The following STX8 variants were observed in gnomAD, a reference collection of about 807,000 sequenced individuals.
STX8 encodes the protein syntaxin 8, also known as syntaxin-8.
STX8 carries 23 observed loss-of-function variants against 37.5 expected under a neutral mutation model. The ratio of observed to expected loss-of-function variants is 0.61; its 90% CI spans 0.44 to 0.87. The LOEUF is 0.87. Ranked by LOEUF, STX8 falls within the 40% of genes least tolerant of loss-of-function variation. The pLI, the probability that STX8 is intolerant of heterozygous loss-of-function variation, is 0.00. For synonymous variants in STX8, 115 were observed against 99.1 expected, an observed-to-expected ratio of 1.16 and a Z score of -0.95; for missense variants, 313 against 284.7, an observed-to-expected ratio of 1.10 and a Z score of -0.71.
intron 5 of STX8, among the ~76,000 whole-genome samples, chr17:9,494,239 G>T (rs1332913658): frequency 4.0e-5 from 6 of 151,360 alleles, no homozygotes; most frequent in Non-Finnish European, 5.9e-5. Flanking sequence ...ATGGTCTCGA[G>T]CTCCTGACCT....
chr17:9,310,931 T>C (rs182548875), intron 7 of STX8, among the ~76,000 whole-genome samples: 2 of 152,226 alleles, frequency 1.3e-5, no homozygotes, highest in East Asian at 3.9e-4. Context: ...TGGAACAGAA[T>C]TGAAGATTTT....
chr17:9,484,751 C>T (rs998404587), intron 6 of STX8, among the ~76,000 whole-genome samples: 18 of 152,144 alleles, frequency 1.2e-4, no homozygotes, highest in African/African-American at 3.9e-4. Context: ...CACTTGAACC[C>T]GAGAGGTGGA....
At chr17:9,375,656 A>G (rs1911556010) in intron 7 of STX8, among the ~76,000 whole-genome samples, 1 of 152,214 alleles carries the variant, frequency 6.6e-6, no homozygotes, top group African/African-American at 2.4e-5. Flanking sequence ...AGTGATATAT[A>G]TATGTTAGGT....
At chr17:9,522,693 A>C (rs906429731) in intron 4 of STX8, among the ~76,000 whole-genome samples, 15 of 151,246 alleles carry the variant, frequency 9.9e-5, no homozygotes, top group Non-Finnish European at 1.6e-4. Flanking sequence ...GCCTGGGCGA[A>C]AGAGCGAGAC....
At chr17:9,446,445 C>A (rs778554322) in intron 6 of STX8, among the ~76,000 whole-genome samples, 1 of 152,228 alleles carries the variant, frequency 6.6e-6, no homozygotes, top group Non-Finnish European at 1.5e-5. Flanking sequence ...ACCACGTCCA[C>A]AGTTGAAACT....
Position 9,378,696 on chromosome 17 carries a change from G to T in STX8, c.542-43C>A, listed in dbSNP as rs114990666. ...ATGATTACTATTCCTGAAATACCCC[G>T]GTTCACATCACAGTATCACAGCTGT... is the stretch of plus-strand genomic sequence containing the variant. On this transcript the variant is annotated intron_variant, in intron 6 of 7. Coordinates refer to ENST00000306357, the MANE Select transcript of STX8 (RefSeq NM_004853.3). 1.5e-3 allele frequency: 2,156 copies of T among 1,425,088 alleles called. 40 individuals carry two copies. The African/African-American group carries it at 0.027, about 18-fold the overall frequency. 88.3% of individuals were successfully genotyped at this position (1,425,088 alleles called of 1,614,324 possible). A position where few individuals can be genotyped will look rare whatever the true frequency, so the allele number is the denominator to read the frequency against.
chr17:9,397,846 G>A (rs1912459335), intron 6 of STX8, among the ~76,000 whole-genome samples: 1 of 151,738 alleles, frequency 6.6e-6, no homozygotes, highest in Admixed American at 6.6e-5. Context: ...AAATTAGCCA[G>A]GCTTGGTGGC....
At chr17:9,375,017 T>C (rs1053494196) in intron 7 of STX8, among the ~76,000 whole-genome samples, 37 of 147,524 alleles carry the variant, frequency 2.5e-4, no homozygotes, top group African/African-American at 8.8e-4. Context: ...TGAGCTGAGA[T>C]TGTGCCACTG....
intron 4 of STX8, among the ~76,000 whole-genome samples, chr17:9,537,333 A>T (rs900954750): frequency 6.6e-6 from 1 of 152,220 alleles, no homozygotes; most frequent in Admixed American, 6.5e-5. Flanking sequence ...CAAGGGGCTG[A>T]GTGTGTGAAA....
rs201145334 is a variant in STX8, at chr17:9,547,782, C to CTT, written c.213-2502_213-2501dup. ...ACATTCTTTCCTTTTCTTTTCTTTT[C>CTT]TTTTTTTTTTTTTTGTTTTGTTTTG... On this transcript the variant is annotated intron_variant, in intron 3 of 7. Transcript: ENST00000306357. Among the ~76,000 whole-genome samples the CTT allele has an allele frequency of 1.1e-3, 138 of 130,042 alleles. 1 individual carries two copies. The highest frequency in any genetic ancestry group is 3.2e-3 in the African/African-American group (97 of 30,482). 85.3% of individuals were successfully genotyped at this position (130,042 alleles called of 152,430 possible).
chr17:9,350,313 T>G (rs1910663894), intron 7 of STX8, among the ~76,000 whole-genome samples: 1 of 152,262 alleles, frequency 6.6e-6, no homozygotes, highest in Admixed American at 6.5e-5. Context: ...ATGAATTGTT[T>G]ACTTCTGGAA....
Position 9,250,544 on chromosome 17 carries a change from G to C in STX8, c.*34C>G, listed in dbSNP as rs8974. Reference sequence around the variant, plus strand: ...GGTGTTGGGCTTGCATCTGTCATTGGCAGGTGTCACTGCTGGTGGTCTCTT... The same window carrying C: ...GGTGTTGGGCTTGCATCTGTCATTGCCAGGTGTCACTGCTGGTGGTCTCTT... On this transcript the variant is annotated 3_prime_UTR_variant, in exon 8 of 8. Transcript: ENST00000306357. 885,138 of 1,561,248 alleles carry C rather than the reference G, an allele frequency of 0.57. 259,819 individuals carry two copies. Among genetic ancestry groups the C allele is most frequent in the Non-Finnish European group, 0.62 (707,277 of 1,149,210 alleles).
At position 9,385,335 on chromosome 17, in the gene STX8, A is replaced by C. The variant is rs1473461774; in HGVS notation, c.542-6682T>G. Among the ~76,000 whole-genome samples the C allele has an allele frequency of 2.6e-5, 4 of 152,314 alleles. No homozygotes were observed. The East Asian group carries it at 7.7e-4, about 29-fold the overall frequency. The stretch of plus-strand genomic sequence containing the variant: ...CACGCCTCATTCTCTATCAAGAGAA[A>C]TTTTCTGTTCATCCAAAGATACTAT... On this transcript the variant is annotated intron_variant, in intron 6 of 7. Transcript: ENST00000306357.
At chr17:9,285,046 C>T (rs553071756) in intron 7 of STX8, among the ~76,000 whole-genome samples, 1 of 152,076 alleles carries the variant, frequency 6.6e-6, no homozygotes, top group Non-Finnish European at 1.5e-5. Flanking sequence ...GCCCCACCCC[C>T]CTGGAGATTC....
intron 4 of STX8, among the ~76,000 whole-genome samples, chr17:9,516,746 T>C (rs1460076514): frequency 6.6e-6 from 1 of 152,160 alleles, no homozygotes; most frequent in Non-Finnish European, 1.5e-5. Context: ...AATTCTTGCT[T>C]TCAAGGAGTT....
rs545779238 is a variant in STX8, at chr17:9,266,901, T to C, written c.644-16256A>G. On this transcript the variant is annotated intron_variant, in intron 7 of 7. Transcript: ENST00000306357. ...GTAACCACAACATTTGTCATAGTTATTCAGTGTGGCTCTGAAGCCTGTCCC... is the reference window on the plus strand; with the variant it reads ...GTAACCACAACATTTGTCATAGTTACTCAGTGTGGCTCTGAAGCCTGTCCC... Among the ~76,000 whole-genome samples, 8 of 152,316 alleles carry C rather than the reference T, an allele frequency of 5.3e-5. No individual in the cohort carries two copies. The South Asian group carries it at 1.5e-3, about 28-fold the overall frequency.
At chr17:9,473,783 A>C (rs994077967) in intron 6 of STX8, among the ~76,000 whole-genome samples, 1 of 152,014 alleles carries the variant, frequency 6.6e-6, no homozygotes, top group Non-Finnish European at 1.5e-5. Context: ...AGCTTCAAAA[A>C]CCTTTGGAAT....
intron 7 of STX8, among the ~76,000 whole-genome samples, chr17:9,352,440 A>G (rs1424399384): frequency 6.7e-6 from 1 of 150,252 alleles, no homozygotes; most frequent in Non-Finnish European, 1.5e-5. Context: ...GCTGGGAGAA[A>G]GAGCCTCTCC....
intron 4 of STX8, among the ~76,000 whole-genome samples, chr17:9,525,841 C>T (rs1226710601): frequency 6.6e-6 from 1 of 152,220 alleles, no homozygotes; most frequent in Admixed American, 6.5e-5. Context: ...CTATAGAACA[C>T]TTTCCAGTTT....
Sources: gnomAD v4.1 joint callset for allele counts (sites outside exome capture counted in the v4.1 genomes callset) on GRCh38, gnomAD v4.1.1 for gene constraint, MANE v1.5 for transcripts, NCBI Gene and HGNC (gene_info 2026-07-23, HGNC 2026-07-21) for gene names.